Variants in CUX1 observed in about 807,000 individuals in gnomAD.
CUX1 encodes cut like homeobox 1, also known as protein CASP.
In CUX1, 31 loss-of-function variants were observed where a neutral mutation model predicts 158.8. The observed-to-expected ratio is 0.20, with a 90% CI of 0.15 to 0.26. The LOEUF (loss-of-function observed/expected upper bound fraction) is 0.26. Ranked by LOEUF, CUX1 falls within the 10% of genes least tolerant of loss-of-function variation. The probability of loss-of-function intolerance (pLI) is 1.00; values close to 1 mark genes in which losing one functional copy is unlikely to be tolerated. For synonymous variants in CUX1, 879 were observed against 862.1 expected, an observed-to-expected ratio of 1.02 and a Z score of -0.34; for missense variants, 1,589 against 2,014.6, an observed-to-expected ratio of 0.79 and a Z score of 4.04.
chr7:102,040,416 GT>G (rs894382177), intron 3 of CUX1, among the ~76,000 whole-genome samples: 12 of 152,200 alleles, frequency 7.9e-5, no homozygotes, highest in Admixed American at 2.6e-4. Flanking sequence ...TACCAAGGAA[GT>G]TAGTAGGGCC....
chr7:101,937,542 G>A (rs1007415021), intron 2 of CUX1, among the ~76,000 whole-genome samples: 14 of 150,214 alleles, frequency 9.3e-5, no homozygotes, highest in Admixed American at 1.3e-4. Context: ...ACAGAGTCTC[G>A]CTCTGTCTCC....
At chr7:102,179,840 C>T (rs571682845) in intron 11 of CUX1, among the ~76,000 whole-genome samples, 47 of 152,342 alleles carry the variant, frequency 3.1e-4, no homozygotes, top group African/African-American at 1.1e-3. Context: ...GCTGCCCGTT[C>T]AGGCCCATTC....
rs1414466347 is a variant in CUX1, at chr7:102,251,758, T to G, written c.*2716T>G. On this transcript the variant is annotated 3_prime_UTR_variant, in exon 24 of 24. Coordinates refer to ENST00000292535, the MANE Select transcript of CUX1 (RefSeq NM_181552.4). The stretch of plus-strand genomic sequence containing the variant: ...CTTTTGTCATCATGTGTGATGAATC[T>G]TTAAATATCGTCTAATTTTCATAAG... The G allele has an allele frequency of 1.0e-6, 1 of 985,200 alleles. No individual in the cohort carries two copies. Among genetic ancestry groups the G allele is most frequent in the Non-Finnish European group, 1.2e-6 (1 of 829,856 alleles). The allele number at this position is 985,200 out of a possible 1,614,324, so 61.0% of individuals were successfully genotyped here. A position where few individuals can be genotyped will look rare whatever the true frequency, so the allele number is the denominator to read the frequency against.
At chr7:101,848,051 C>CAAAAAAAAAAAAAATAA (rs1795879298) in intron 1 of CUX1, among the ~76,000 whole-genome samples, 1 of 65,378 alleles carries the variant, frequency 1.5e-5, no homozygotes, top group Non-Finnish European at 2.7e-5. Context: ...GAGCAAGACT[C>CAAAAAAAAAAAAAATAA]AAAAAAAAAA....
At chr7:102,102,589 G>C (rs1829898946) in intron 5 of CUX1, among the ~76,000 whole-genome samples, 1 of 152,168 alleles carries the variant, frequency 6.6e-6, no homozygotes, top group Non-Finnish European at 1.5e-5. Context: ...TGCTGCACCA[G>C]AGGGAGCTCC....
intron 8 of CUX1, among the ~76,000 whole-genome samples, chr7:102,118,869 A>G (rs1554492586): frequency 6.6e-6 from 1 of 152,216 alleles, no homozygotes; most frequent in Non-Finnish European, 1.5e-5. Flanking sequence ...CTCCTGCCTC[A>G]GCCTACCAAG....
At chr7:102,112,697 A>G (rs1273183698) in intron 7 of CUX1, among the ~76,000 whole-genome samples, 1 of 151,404 alleles carries the variant, frequency 6.6e-6, no homozygotes, top group Non-Finnish European at 1.5e-5. Context: ...CAGCCTCCCC[A>G]GTAGGTCGGA....
chr7:101,958,844 CT>C (rs10667965), intron 2 of CUX1, among the ~76,000 whole-genome samples: 673 of 65,810 alleles, frequency 0.01, 6 homozygotes, highest in African/African-American at 0.029. Flanking sequence ...AGATGATGCC[CT>C]TTTTTTTTTT....
At chr7:101,821,175 C>A (rs772154297) in intron 1 of CUX1, among the ~76,000 whole-genome samples, 5 of 152,046 alleles carry the variant, frequency 3.3e-5, no homozygotes, top group Non-Finnish European at 7.4e-5. Context: ...CTTGATGAAC[C>A]TTGACTGACC....
At chr7:102,129,815 G>C (rs1238052775) in intron 8 of CUX1, among the ~76,000 whole-genome samples, 6 of 152,208 alleles carry the variant, frequency 3.9e-5, no homozygotes, top group African/African-American at 1.4e-4. Context: ...GTGACACCAA[G>C]GTGGCGGCCC....
At chr7:102,059,673 G>A (rs1264943571) in intron 3 of CUX1, among the ~76,000 whole-genome samples, 1 of 151,546 alleles carries the variant, frequency 6.6e-6, no homozygotes, top group African/African-American at 2.4e-5. Flanking sequence ...TCAAGATTTG[G>A]CCTGCGTACG....
In CUX1 at chr7:102,100,047, A is replaced by G. The variant is rs143823871; in HGVS notation, c.406+2546A>G. 4.3e-3 allele frequency among the ~76,000 whole-genome samples: 655 copies of G among 152,324 alleles called. 4 individuals carry two copies. Among genetic ancestry groups the G allele is most frequent in the African/African-American group, 0.015 (637 of 41,580 alleles). ...ATAATCCCAGCACTTAAGGAGGCCAAGGTGGGCAGATCACTTGAGGTCATG... is the reference window on the plus strand; with the variant it reads ...ATAATCCCAGCACTTAAGGAGGCCAGGGTGGGCAGATCACTTGAGGTCATG... On this transcript the variant is annotated intron_variant, in intron 5 of 23. Coordinates refer to ENST00000292535, the MANE Select transcript of CUX1 (RefSeq NM_181552.4).
intron 4 of CUX1, among the ~76,000 whole-genome samples, chr7:102,088,165 T>C (rs1554481179): frequency 6.6e-6 from 1 of 152,078 alleles, no homozygotes; most frequent in East Asian, 1.9e-4. Context: ...GCCTGGCTAA[T>C]TTTTGTATTT....
At chr7:101,899,881 G>A (rs1032170919) in intron 1 of CUX1, among the ~76,000 whole-genome samples, 8 of 152,200 alleles carry the variant, frequency 5.3e-5, no homozygotes, top group African/African-American at 1.9e-4. Context: ...TGCCCCAGCC[G>A]AGGGCACTGG....
intron 2 of CUX1, among the ~76,000 whole-genome samples, chr7:101,953,340 A>G (rs936343147): frequency 6.6e-5 from 10 of 152,228 alleles, no homozygotes; most frequent in Non-Finnish European, 8.8e-5. Context: ...ATTTAAATAC[A>G]TTCCCGGCCC....
intron 2 of CUX1, among the ~76,000 whole-genome samples, chr7:102,015,212 G>C (rs1378751109): frequency 1.3e-5 from 2 of 152,140 alleles, no homozygotes; most frequent in Non-Finnish European, 2.9e-5. Flanking sequence ...ACTGCAAAAG[G>C]AGAGTGCCTG....
At chr7:101,883,847 C>T (rs1799959474) in intron 1 of CUX1, among the ~76,000 whole-genome samples, 1 of 152,076 alleles carries the variant, frequency 6.6e-6, no homozygotes, top group Admixed American at 6.5e-5. Flanking sequence ...CCACCGACCT[C>T]GACCTCCCAA....
intron 4 of CUX1, among the ~76,000 whole-genome samples, chr7:102,087,057 A>G (rs1554480729): frequency 6.6e-6 from 1 of 152,136 alleles, no homozygotes; most frequent in East Asian, 1.9e-4. Context: ...AAATACCTAC[A>G]TCTTGCTTTT....
At chr7:101,840,283 G>T (rs2131145766) in intron 1 of CUX1, among the ~76,000 whole-genome samples, 1 of 152,220 alleles carries the variant, frequency 6.6e-6, no homozygotes, top group East Asian at 1.9e-4. Context: ...TGACTTGCTG[G>T]CTAGAATCTG....
Sources: gnomAD v4.1 joint callset for allele counts (sites outside exome capture counted in the v4.1 genomes callset) on GRCh38, gnomAD v4.1.1 for gene constraint, MANE v1.5 for transcripts, NCBI Gene and HGNC (gene_info 2026-07-23, HGNC 2026-07-21) for gene names.